The following DOCK8 variants were observed in gnomAD, a reference collection of about 807,000 sequenced individuals.
DOCK8 encodes dedicator of cytokinesis 8, also known as dedicator of cytokinesis protein 8.
DOCK8 carries 141 observed loss-of-function variants against 245.6 expected under a neutral mutation model. The observed-to-expected ratio is 0.57, with a 90% CI of 0.50 to 0.66. The LOEUF is 0.66. DOCK8 is among the 30% of genes least tolerant of loss of function. DOCK8 has a pLI of 0.00. For synonymous variants in DOCK8, 1,168 were observed against 970.2 expected, an observed-to-expected ratio of 1.20 and a Z score of -3.79; for missense variants, 2,965 against 2,603.4, an observed-to-expected ratio of 1.14 and a Z score of -3.02.
chr9:230,621 T>C (rs2047092510), intron 1 of DOCK8, among the ~76,000 whole-genome samples: 1 of 152,018 alleles, frequency 6.6e-6, no homozygotes, highest in Non-Finnish European at 1.5e-5. Context: ...TATCTCATTG[T>C]GGTTTTGATT....
In DOCK8 at chr9:377,149, A is replaced by T. The variant is rs1314604506; in HGVS notation, c.2378A>T (p.His793Leu). ...SRLEPLVLFL[H>L]LVLDKLFQLS... ...CTGGAGCCGCTCGTGCTCTTCCTGC[A>T]CCTGGTGCTGGACAAGCTCTTCCAG... The change falls in exon 20 of 48, where the codon CAC (histidine) becomes CTC (leucine). Residue 793 changes from histidine to leucine, a missense_variant. Around this residue, in one of 3 missense-constraint regions of DOCK8, gnomAD observed 2,825 missense variants for 2,453.5 expected, o/e 1.15. Transcript: ENST00000432829. 23 of 1,606,784 alleles carry T rather than the reference A, an allele frequency of 1.4e-5. No individual in the cohort carries two copies. The highest frequency in any genetic ancestry group is 1.9e-5 in the Non-Finnish European group (22 of 1,179,804).
Position 276,993 on chromosome 9 carries a change from G to C in DOCK8, c.156+5264G>C, listed in dbSNP as rs371486483. 1.2e-5 allele frequency: 4 copies of C among 338,866 alleles called. No individual in the cohort carries two copies. The East Asian group carries it at 4.5e-4, about 38-fold the overall frequency. The allele number at this position is 338,866 out of a possible 1,614,324, so 21.0% of individuals were successfully genotyped here. ...GGCTAATTTTTGTATTTTTTTTGTA[G>C]AGACGGAGTTTCTCCATGTTGTCCA... On this transcript the variant is annotated intron_variant, in intron 2 of 47. Transcript: ENST00000432829.
chr9:457,388 A>G (rs538393323), intron 46 of DOCK8, among the ~76,000 whole-genome samples: 9 of 152,354 alleles, frequency 5.9e-5, no homozygotes, highest in African/African-American at 2.2e-4. Context: ...GAGTTAATAC[A>G]TGGAACTTAG....
intron 14 of DOCK8, among the ~76,000 whole-genome samples, chr9:350,859 A>G (rs1407712668): frequency 6.6e-6 from 1 of 152,194 alleles, no homozygotes; most frequent in African/African-American, 2.4e-5. Flanking sequence ...GTGCCAAAGA[A>G]TGGACATAGG....
chr9:299,508 C>T (rs865906752), intron 4 of DOCK8, among the ~76,000 whole-genome samples: 1 of 152,086 alleles, frequency 6.6e-6, no homozygotes, highest in Non-Finnish European at 1.5e-5. Flanking sequence ...AGTGGTGCTC[C>T]CGCCTTGGCC....
At chr9:257,306 G>C (rs2047801089) in intron 1 of DOCK8, among the ~76,000 whole-genome samples, 1 of 152,150 alleles carries the variant, frequency 6.6e-6, no homozygotes, top group Admixed American at 6.5e-5. Context: ...TTAGAATCTT[G>C]ATTTTCAAAT....
At chr9:276,666 T>G (rs958222608) in intron 2 of DOCK8, among the ~76,000 whole-genome samples, 2 of 152,032 alleles carry the variant, frequency 1.3e-5, no homozygotes, top group Non-Finnish European at 2.9e-5. Flanking sequence ...GACTCACTTA[T>G]TGGCTTTGGC....
chr9:288,126 G>C (rs1304031688), intron 3 of DOCK8, among the ~76,000 whole-genome samples: 1 of 151,176 alleles, frequency 6.6e-6, no homozygotes, highest in Non-Finnish European at 1.5e-5. Context: ...TTAGTATACT[G>C]TTGCCTTGTC....
At chr9:367,113 G>A (rs1000432132) in intron 14 of DOCK8, among the ~76,000 whole-genome samples, 3 of 152,166 alleles carry the variant, frequency 2.0e-5, no homozygotes, top group Non-Finnish European at 2.9e-5. Context: ...CCAACCTATA[G>A]GATAGCTATG....
chr9:233,152 T>G (rs1368310598), intron 1 of DOCK8, among the ~76,000 whole-genome samples: 3 of 152,044 alleles, frequency 2.0e-5, no homozygotes, highest in Middle Eastern at 3.2e-3. Context: ...ATTTCATTAT[T>G]TACCCAGTAG....
chr9:294,148 G>T (rs566859688), intron 4 of DOCK8, among the ~76,000 whole-genome samples: 1 of 152,312 alleles, frequency 6.6e-6, no homozygotes, highest in East Asian at 1.9e-4. Flanking sequence ...CTACTGAAAT[G>T]CTGCCTAGTA....
intron 23 of DOCK8, among the ~76,000 whole-genome samples, chr9:387,953 C>T (rs191827879): frequency 6.6e-6 from 1 of 152,282 alleles, no homozygotes; most frequent in African/African-American, 2.4e-5. Context: ...CAATATGTTT[C>T]CTTAATACCT....
chr9:404,286 T>G (rs754687305), intron 26 of DOCK8, among the ~76,000 whole-genome samples: 1 of 152,014 alleles, frequency 6.6e-6, no homozygotes, highest in Non-Finnish European at 1.5e-5. Context: ...TCATGGTTTA[T>G]TTTTTAAAGG....
rs375957884 is a variant in DOCK8 at position 307,508 on chromosome 9, G to A, written c.528+2804G>A. Among the ~76,000 whole-genome samples, 8 of 151,816 alleles carry A rather than the reference G, an allele frequency of 5.3e-5. No homozygotes were observed. The South Asian group carries it at 8.3e-4, about 16-fold the overall frequency. On this transcript the variant is annotated intron_variant, in intron 5 of 47. Transcript: ENST00000432829. Reference sequence around the variant, plus strand: ...CGAGTAGCTGGGATTACAGACATGCGCCACCACGCCTGGCCAATTGTGTAT... The same window carrying A: ...CGAGTAGCTGGGATTACAGACATGCACCACCACGCCTGGCCAATTGTGTAT...
intron 30 of DOCK8, 172 bp from the exon 31 acceptor site, chr9:420,229 G>A (rs2056217515): frequency 1.4e-6 from 1 of 736,408 alleles, no homozygotes; most frequent in Non-Finnish European, 2.3e-6. Context: ...AGCTTCCCCT[G>A]CCTAGGGAAG....
intron 39 of DOCK8, among the ~76,000 whole-genome samples, chr9:436,151 A>C (rs928886757): frequency 1.3e-5 from 2 of 152,202 alleles, no homozygotes; most frequent in African/African-American, 4.8e-5. Context: ...GAACACAGCA[A>C]AGCTGGGTAT....
chr9:253,923 A>G (rs1374117892), intron 1 of DOCK8, among the ~76,000 whole-genome samples: 4 of 152,230 alleles, frequency 2.6e-5, no homozygotes, highest in Non-Finnish European at 5.9e-5. Context: ...AGTGAGGCCA[A>G]GATTTTGAGA....
rs748371928 is a variant in DOCK8 at position 403,994 on chromosome 9, GTA to G, written c.3235-907_3235-906del. 6.8e-3 allele frequency among the ~76,000 whole-genome samples: 481 copies of G among 70,380 alleles called. 7 individuals carry two copies. The East Asian group carries it at 0.068, about 10-fold the overall frequency. The allele number at this position is 70,380 out of a possible 152,430, so 46.2% of individuals were successfully genotyped here. ...TATATATGTGTATATATATATATGT[GTA>G]TATATATATATATATAGTTTAAAAA... On this transcript the variant is annotated intron_variant, in intron 26 of 47. Coordinates refer to ENST00000432829, the MANE Select transcript of DOCK8 (RefSeq NM_203447.4).
In DOCK8 at chr9:432,151, T is replaced by C. The variant is rs758380954; in HGVS notation, c.4627-15T>C. The C allele has an allele frequency of 6.2e-7, 1 of 1,613,492 alleles. No individual in the cohort carries two copies. The highest frequency in any genetic ancestry group is 8.5e-7 in the Non-Finnish European group (1 of 1,179,682). On this transcript the variant is annotated splice_polypyrimidine_tract_variant and intron_variant, in intron 36 of 47. Coordinates refer to ENST00000432829, the MANE Select transcript of DOCK8 (RefSeq NM_203447.4). ...CTTATTTACTTCATCTTTTTTTTTT[T>C]TTTCACTGATGCAGAATTTTGCAAG...
Sources: gnomAD v4.1 joint callset for allele counts (sites outside exome capture counted in the v4.1 genomes callset) on GRCh38, gnomAD v4.1.1 for gene constraint, gnomAD v4.1.1 regional missense constraint, MANE v1.5 for transcripts, NCBI Gene and HGNC (gene_info 2026-07-23, HGNC 2026-07-21) for gene names.